PRR12: variants seen among roughly 807,000 people sequenced by gnomAD.
PRR12 encodes the protein proline rich 12, also known as proline-rich protein 12.
Under a neutral mutation model 138.0 loss-of-function variants are expected in PRR12, and 12 were observed. The observed-to-expected ratio is 0.09, with a 90% CI of 0.06 to 0.14. The LOEUF (loss-of-function observed/expected upper bound fraction) is 0.14. Ranked by LOEUF, PRR12 falls within the 10% of genes least tolerant of loss-of-function variation. The probability of loss-of-function intolerance (pLI) is 1.00; values close to 1 mark genes in which losing one functional copy is unlikely to be tolerated. For synonymous variants in PRR12, 1,567 were observed against 1,291.7 expected (o/e 1.21, Z -4.57); for missense variants, 2,692 against 2,861.3 (o/e 0.94, Z 1.35).
chr19:49,619,270 GCCCAGGCTT>G, intron 9 of PRR12, among the ~76,000 whole-genome samples: 1 of 108,922 alleles, frequency 9.2e-6, no homozygotes, highest in Middle Eastern at 0.012. Context: ...TGCTCTCGTT[GCCCAGGCTT>G]ATTGCCAGTG....
chr19:49,621,838 CAG>C lies in PRR12; in HGVS notation c.5721+219_5721+220del, dbSNP rs2080925152. On this transcript the variant is annotated intron_variant, in intron 11 of 13. Coordinates refer to ENST00000418929, the MANE Select transcript of PRR12 (RefSeq NM_020719.3). ...GGAGGAGCTGTGGGCCTTGGGGCAG[CAG>C]AGGGGTGGTTGTGAAAGGCTGGGCT... is the stretch of plus-strand genomic sequence containing the variant. 3 of 564,156 alleles carry C rather than the reference CAG, an allele frequency of 5.3e-6. No individual in the cohort carries two copies. The African/African-American group carries it at 5.6e-5, about 11-fold the overall frequency. 34.9% of individuals were successfully genotyped at this position (564,156 alleles called of 1,614,324 possible).
At chr19:49,598,305 G>A (rs1158637602) in intron 4 of PRR12, among the ~76,000 whole-genome samples, 3 of 151,782 alleles carry the variant, frequency 2.0e-5, no homozygotes, top group African/African-American at 2.4e-5. Flanking sequence ...CGATCTCCTG[G>A]CCTCGTGATC....
At chr19:49,602,032 C>A in intron 6 of PRR12, 114 bp downstream of exon 6, 1 of 1,347,494 alleles carries the variant, frequency 7.4e-7, no homozygotes, top group Non-Finnish European at 1.0e-6. Flanking sequence ...CGTGGCCGGG[C>A]CGCCCTGGAA....
At chr19:49,612,997 T>C (rs2080874343) in intron 6 of PRR12, among the ~76,000 whole-genome samples, 1 of 151,930 alleles carries the variant, frequency 6.6e-6, no homozygotes, top group Non-Finnish European at 1.5e-5. Context: ...TTCCAGGGAC[T>C]CTTTTTGGCA....
chr19:49,595,673 T>A lies in PRR12; in HGVS notation c.1338T>A (p.Gly446=), dbSNP rs1190345199. The A allele has an allele frequency of 6.3e-7, 1 of 1,598,198 alleles. No homozygotes were observed. The highest frequency in any genetic ancestry group is 1.1e-5 in the South Asian group (1 of 89,148). ...CAGGGGGCCAGGCTTATTCCCCCGG[T>A]CAGCCTCAAGGGCTTCTGGGACCCC... ...GGAGGQAYSP[G]QPQGLLGPQA... is the part of the protein sequence containing the mutation. Residue 446 remains glycine, a synonymous_variant, in exon 4 of 14, where the codon GGT becomes GGA. Transcript: ENST00000418929.
chr19:49,619,904 G>A (rs918698734), intron 9 of PRR12, among the ~76,000 whole-genome samples: 2 of 129,266 alleles, frequency 1.5e-5, no homozygotes, highest in African/African-American at 6.2e-5. Flanking sequence ...TGTCACCCAG[G>A]CTGTGCAATG....
intron 9 of PRR12, 102 bp from the exon 10 acceptor site, chr19:49,620,250 A>G (rs1220085702): frequency 1.3e-6 from 2 of 1,494,124 alleles, no homozygotes; most frequent in African/African-American, 1.4e-5. Flanking sequence ...TCCCAAAAGC[A>G]GGGATTTCTC....
chr19:49,622,938 GAGAGAGAGAGAGAGAGAGAA>G (rs1282351694), intron 11 of PRR12, among the ~76,000 whole-genome samples: 85 of 106,244 alleles, frequency 8.0e-4, no homozygotes, highest in African/African-American at 2.7e-3. Flanking sequence ...TAGAGAGAGA[GAGAGAGAGAGAGAGAGAGAA>G]AGAGAGAGAG....
rs2080794576 is a variant in PRR12, at chr19:49,599,121, C to G, written c.3679-151C>G. Reference sequence around the variant, plus strand: ...CTGAGGGAGGAACTCCAGTCTTGTCCTCCTAGAATCTAAGACAAGGGGTCT... The same window carrying G: ...CTGAGGGAGGAACTCCAGTCTTGTCGTCCTAGAATCTAAGACAAGGGGTCT... On this transcript the variant is annotated intron_variant, in intron 4 of 13. Coordinates refer to ENST00000418929, the MANE Select transcript of PRR12 (RefSeq NM_020719.3). The surrounding 1 kb of genome is among the most constrained non-coding windows in gnomAD (Gnocchi z 5.0). 1.3e-6 allele frequency: 1 copy of G among 747,582 alleles called. No individual in the cohort carries two copies. The highest frequency in any genetic ancestry group is 1.8e-5 in the African/African-American group (1 of 56,412). The allele number at this position is 747,582 out of a possible 1,614,324, so 46.3% of individuals were successfully genotyped here.
chr19:49,610,210 G>A (rs983459398), intron 6 of PRR12, among the ~76,000 whole-genome samples: 4 of 151,910 alleles, frequency 2.6e-5, no homozygotes, highest in Non-Finnish European at 5.9e-5. Context: ...CCCGACCTCA[G>A]GTGATCCGCC....
intron 10 of PRR12, among the ~76,000 whole-genome samples, chr19:49,621,178 G>T (rs1172177727): frequency 9.1e-6 from 1 of 110,204 alleles, no homozygotes; most frequent in Non-Finnish European, 1.9e-5. Context: ...GGGAGGAGGG[G>T]CTGGGGCCTG....
chr19:49,595,223 C>G lies in PRR12; in HGVS notation c.888C>G (p.Ala296=), dbSNP rs766572414. 3.3e-5 allele frequency: 52 copies of G among 1,560,514 alleles called. No individual in the cohort carries two copies. The highest frequency in any genetic ancestry group is 4.2e-5 in the Non-Finnish European group (49 of 1,155,374). ...DTVIKHYQRP[A]SAQPPPPPPP... ...TCATCAAGCACTACCAGCGGCCAGC[C>G]AGTGCCCAGCCCCCACCACCCCCGC... The change falls in exon 4 of 14, where the codon GCC becomes GCG. Residue 296 remains alanine, a synonymous_variant. Coordinates refer to ENST00000418929, the MANE Select transcript of PRR12 (RefSeq NM_020719.3).
chr19:49,600,595 G>A (rs1207299744), intron 5 of PRR12, among the ~76,000 whole-genome samples: 1 of 151,956 alleles, frequency 6.6e-6, no homozygotes, highest in African/African-American at 2.4e-5. Context: ...TGAGGCTGCA[G>A]TGAGCCATGA....
In PRR12 at chr19:49,599,779, G is replaced by C; in HGVS notation, c.4186G>C (p.Glu1396Gln). The change falls in exon 5 of 14, where the codon GAG (glutamate) becomes CAG (glutamine). Residue 1396 changes from glutamate to glutamine, a missense_variant. Physicochemically the swap from Glu to Gln is conservative, Grantham distance 29. Transcript: ENST00000418929. The surrounding 1 kb of genome is among the most constrained non-coding windows in gnomAD (Gnocchi z 5.0). ...TGTCGCCAAGAACCGAGACCTGCAG[G>C]AGAGCATCTCCTCCGCCATCTCTGC... ...DSVAKNRDLQ[E>Q]SISSAISALD... 1 of 1,613,652 alleles carries C rather than the reference G, an allele frequency of 6.2e-7. No homozygotes were observed. Among genetic ancestry groups the C allele is most frequent in the South Asian group, 1.1e-5 (1 of 91,086 alleles).
At chr19:49,593,105 C>T (rs890912228) in intron 1 of PRR12, among the ~76,000 whole-genome samples, 1 of 152,132 alleles carries the variant, frequency 6.6e-6, no homozygotes, top group African/African-American at 2.4e-5. Context: ...ACTATCCGGG[C>T]TCTCTTTATT....
intron 6 of PRR12, among the ~76,000 whole-genome samples, chr19:49,606,315 CT>C (rs112170187): frequency 0.29 from 41,521 of 141,076 alleles, 5,951 homozygotes; most frequent in Middle Eastern, 0.37. Flanking sequence ...TTTTTTTCTT[CT>C]TTTTTTTTTT....
At position 49,594,385 on chromosome 19, in the gene PRR12, T is replaced by C. The variant is rs996281825; in HGVS notation, c.200-69T>C. 2.1e-6 allele frequency: 3 copies of C among 1,448,204 alleles called. No individual in the cohort carries two copies. Among genetic ancestry groups the C allele is most frequent in the Admixed American group, 2.4e-5 (1 of 41,746 alleles). The allele number at this position is 1,448,204 out of a possible 1,614,324, so 89.7% of individuals were successfully genotyped here. A position where few individuals can be genotyped will look rare whatever the true frequency, so the allele number is the denominator to read the frequency against. On this transcript the variant is annotated intron_variant, in intron 2 of 13. Coordinates refer to ENST00000418929, the MANE Select transcript of PRR12 (RefSeq NM_020719.3). This position sits in a 1 kb window ranked among gnomAD's most constrained non-coding sequence, Gnocchi z 5.6. ...CCTGATCCAACTTGCTTTTGGCCTC[T>C]TCCCTTTCTCTCTTGACTGTATCCT... is the stretch of plus-strand genomic sequence containing the variant.
rs1568422758 is a variant in PRR12, at chr19:49,596,726, T to A, written c.2391T>A (p.Pro797=). The change falls in exon 4 of 14, where the codon CCT becomes CCA. Residue 797 remains proline, a synonymous_variant. Transcript: ENST00000418929. The surrounding 1 kb of genome is among the most constrained non-coding windows in gnomAD (Gnocchi z 5.6). The part of the protein sequence containing the change: ...GPDLPLVLPP[P]PPQLLPSVLS... ...ACCTCCCACTGGTGCTGCCTCCGCC[T>A]CCCCCCCAGCTGCTCCCCTCGGTCC... is the stretch of plus-strand genomic sequence containing the variant. 6.3e-7 allele frequency: 1 copy of A among 1,595,978 alleles called. No individual in the cohort carries two copies. Among genetic ancestry groups the A allele is most frequent in the Admixed American group, 1.7e-5 (1 of 59,094 alleles).
intron 10 of PRR12, 21 bp downstream of exon 10, chr19:49,620,498 G>A (rs1176491050): frequency 6.5e-7 from 1 of 1,534,224 alleles, no homozygotes; most frequent in African/African-American, 1.4e-5. Flanking sequence ...GCCTGGGGAG[G>A]AGGGGGGGGG....
Sources: allele counts gnomAD v4.1 joint callset (sites outside exome capture counted in the v4.1 genomes callset), GRCh38; gene constraint gnomAD v4.1.1; non-coding constraint Gnocchi (gnomAD v3.1); transcripts MANE v1.5; gene names NCBI Gene and HGNC (gene_info 2026-07-23, HGNC 2026-07-21).